NFIL3: variants seen among roughly 807,000 people sequenced by gnomAD.
NFIL3 encodes nuclear factor interleukin-3-regulated protein.
NFIL3 carries 5 observed loss-of-function variants against 10.0 expected under a neutral mutation model. That is an observed-to-expected ratio of 0.50 (90% CI 0.26 to 1.06). The LOEUF (loss-of-function observed/expected upper bound fraction) is 1.06, where lower values mean the gene tolerates loss of function less well. NFIL3 is among the 50% of genes least tolerant of loss of function. The pLI, the probability that NFIL3 is intolerant of heterozygous loss-of-function variation, is 0.13. For missense variants in NFIL3, 436 were observed against 547.6 expected (o/e 0.80, Z 2.03); for synonymous variants, 202 against 206.5 (o/e 0.98, Z 0.19).
chr9:91,473,841 G>T, the NFIL3 span, among the ~76,000 whole-genome samples: 570 of 152,318 alleles, frequency 3.7e-3, 1 homozygote, highest in Non-Finnish European at 5.9e-3. Flanking sequence ...GGCCATCTTG[G>T]AACAATCTCC....
At chr9:91,436,332 C>T in the NFIL3 span, among the ~76,000 whole-genome samples, 116 of 152,164 alleles carry the variant, frequency 7.6e-4, no homozygotes, top group African/African-American at 2.7e-3. Flanking sequence ...AATCCCAGCA[C>T]TTTGGGAGGC....
the NFIL3 span, among the ~76,000 whole-genome samples, chr9:91,456,667 A>G: frequency 1.5e-4 from 23 of 152,144 alleles, no homozygotes; most frequent in African/African-American, 5.5e-4. Flanking sequence ...TTTCTTGGCA[A>G]TGCTTTTAAA....
chr9:91,428,659 T>G (rs1833894424), upstream of NFIL3, among the ~76,000 whole-genome samples: 1 of 152,224 alleles, frequency 6.6e-6, no homozygotes, highest in African/African-American at 2.4e-5. Flanking sequence ...ACGACATGAT[T>G]TCCCCAGACA....
At chr9:91,463,717 G>A in the NFIL3 span, among the ~76,000 whole-genome samples, 1 of 152,144 alleles carries the variant, frequency 6.6e-6, no homozygotes, top group African/African-American at 2.4e-5. Context: ...TATCCTTTCT[G>A]ATTTTCTGTC....
the NFIL3 span, among the ~76,000 whole-genome samples, chr9:91,449,511 T>C: frequency 6.6e-6 from 1 of 152,178 alleles, no homozygotes; most frequent in Non-Finnish European, 1.5e-5. Flanking sequence ...TTACATTTAC[T>C]GCTTTTCTTA....
At chr9:91,465,096 G>T in the NFIL3 span, among the ~76,000 whole-genome samples, 2 of 151,902 alleles carry the variant, frequency 1.3e-5, no homozygotes, top group Admixed American at 6.6e-5. Flanking sequence ...TATCATGTTT[G>T]GTGTTCTCTG....
At chr9:91,428,866 A>C in the NFIL3 span, among the ~76,000 whole-genome samples, 108 of 152,356 alleles carry the variant, frequency 7.1e-4, no homozygotes, top group African/African-American at 2.6e-3. Context: ...TAAATGGTAT[A>C]TGTGAGTAAG....
the NFIL3 span, among the ~76,000 whole-genome samples, chr9:91,477,444 G>A: frequency 9.2e-5 from 14 of 152,116 alleles, no homozygotes; most frequent in African/African-American, 2.2e-4. Context: ...ACTGATTGGC[G>A]ACCTTAATTA....
At chr9:91,417,135 A>C (rs1298738173) in intron 1 of NFIL3, among the ~76,000 whole-genome samples, 1 of 152,168 alleles carries the variant, frequency 6.6e-6, no homozygotes, top group Non-Finnish European at 1.5e-5. Flanking sequence ...TGCAAATTGC[A>C]ATATATATTT....
the NFIL3 span, among the ~76,000 whole-genome samples, chr9:91,468,748 C>G: frequency 6.6e-6 from 1 of 152,186 alleles, no homozygotes; most frequent in Non-Finnish European, 1.5e-5. Flanking sequence ...TCTCAGCTTT[C>G]TACATATACC....
At chr9:91,426,057 A>C (rs1380475567), upstream of NFIL3, among the ~76,000 whole-genome samples, 1 of 152,222 alleles carries the variant, frequency 6.6e-6, no homozygotes, top group South Asian at 2.1e-4. Flanking sequence ...CCTTCAAGAC[A>C]GGTAAAGAAC....
the NFIL3 span, among the ~76,000 whole-genome samples, chr9:91,431,939 T>A: frequency 6.6e-6 from 1 of 152,190 alleles, no homozygotes; most frequent in Non-Finnish European, 1.5e-5. Flanking sequence ...CTGGACAGGC[T>A]TTGTCTTGGA....
chr9:91,481,648 T>C, the NFIL3 span, among the ~76,000 whole-genome samples: 1 of 150,932 alleles, frequency 6.6e-6, no homozygotes, highest in Non-Finnish European at 1.5e-5. Context: ...GATTTTGCGG[T>C]TAACGTTTTT....
chr9:91,411,008 C>A (rs1447413279), intron 1 of NFIL3, 102 bp from the exon 2 acceptor site: 3 of 441,926 alleles, frequency 6.8e-6, no homozygotes, highest in Middle Eastern at 6.0e-4. Context: ...CATACAAGCA[C>A]AGATGAGGCA....
At chr9:91,440,903 G>T in the NFIL3 span, among the ~76,000 whole-genome samples, 1 of 152,060 alleles carries the variant, frequency 6.6e-6, no homozygotes, top group Non-Finnish European at 1.5e-5. Context: ...AATTTGTTAA[G>T]GGTTGTTTTG....
the NFIL3 span, among the ~76,000 whole-genome samples, chr9:91,446,298 C>T: frequency 5.9e-5 from 9 of 152,184 alleles, no homozygotes; most frequent in Non-Finnish European, 8.8e-5. Context: ...CCCTTCTCTA[C>T]GTAGCCATAC....
chr9:91,452,429 C>T, the NFIL3 span, among the ~76,000 whole-genome samples: 1 of 139,654 alleles, frequency 7.2e-6, no homozygotes, highest in Non-Finnish European at 1.5e-5. Context: ...CAGATCAAAT[C>T]AATGCACCTC....
At chr9:91,444,596 T>C in the NFIL3 span, among the ~76,000 whole-genome samples, 1 of 152,178 alleles carries the variant, frequency 6.6e-6, no homozygotes, top group East Asian at 1.9e-4. Context: ...GGAAAGATTT[T>C]CACCCACAGA....
At chr9:91,449,760 A>G in the NFIL3 span, among the ~76,000 whole-genome samples, 13 of 152,062 alleles carry the variant, frequency 8.5e-5, no homozygotes, top group Admixed American at 6.6e-5. Context: ...TCTATTTTTT[A>G]AAAACAGTTC....
Sources: allele counts gnomAD v4.1 joint callset (sites outside exome capture counted in the v4.1 genomes callset), GRCh38; gene constraint gnomAD v4.1.1; transcripts MANE v1.5; gene names NCBI Gene and HGNC (gene_info 2026-07-23, HGNC 2026-07-21).